Variants in AUTS2 observed in about 807,000 individuals in gnomAD.
The protein encoded by AUTS2 is activator of transcription and developmental regulator AUTS2.
A neutral mutation model predicts 112.4 loss-of-function variants in AUTS2; 17 were observed. The observed-to-expected ratio is 0.15, with a 90% CI of 0.10 to 0.23. The LOEUF (loss-of-function observed/expected upper bound fraction) is 0.23. Ranked by LOEUF, AUTS2 falls within the 10% of genes least tolerant of loss-of-function variation. The pLI, the probability that AUTS2 is intolerant of heterozygous loss-of-function variation, is 1.00. For synonymous variants in AUTS2, 751 were observed against 702.7 expected (o/e 1.07, Z -1.09); for missense variants, 1,510 against 1,701.6 (o/e 0.89, Z 1.98).
intron 5 of AUTS2, among the ~76,000 whole-genome samples, chr7:70,683,488 C>T (rs1808307899): frequency 6.6e-6 from 1 of 152,168 alleles, no homozygotes; most frequent in South Asian, 2.1e-4. Context: ...CTCTCCAAAG[C>T]AGTATCTTGT....
chr7:70,701,050 C>T (rs767960163), intron 6 of AUTS2, among the ~76,000 whole-genome samples: 6 of 152,252 alleles, frequency 3.9e-5, no homozygotes, highest in Non-Finnish European at 5.9e-5. Context: ...GGAGCTGACA[C>T]GTGTATCCCT....
At chr7:70,299,902 A>C (rs184414070) in intron 4 of AUTS2, among the ~76,000 whole-genome samples, 5 of 151,568 alleles carry the variant, frequency 3.3e-5, no homozygotes, top group African/African-American at 7.3e-5. Context: ...TTTTTTTTCT[A>C]CATTGGAGAC....
rs539061682 is a variant in AUTS2 at position 70,231,568 on chromosome 7, G to A, written c.660+96997G>A. Among the ~76,000 whole-genome samples, 8 of 151,412 alleles carry A rather than the reference G, an allele frequency of 5.3e-5. No homozygotes were observed. In the East Asian group the frequency reaches 9.8e-4, roughly 19 times the overall value. ...CACCATTCTCCTGCCTCAGCCTCCC[G>A]AGTAGCTGGGACTACAGGCGCCCAC... On this transcript the variant is annotated intron_variant, in intron 4 of 18. Coordinates refer to ENST00000342771, the MANE Select transcript of AUTS2 (RefSeq NM_015570.4).
chr7:69,673,934 C>T (rs1446114406), intron 1 of AUTS2, among the ~76,000 whole-genome samples: 3 of 152,170 alleles, frequency 2.0e-5, no homozygotes, highest in African/African-American at 7.2e-5. Flanking sequence ...TTCATAGATG[C>T]TTTAACTTCC....
intron 2 of AUTS2, among the ~76,000 whole-genome samples, chr7:70,056,246 A>G (rs182692496): frequency 7.9e-5 from 12 of 152,144 alleles, no homozygotes; most frequent in Admixed American, 3.3e-4. Context: ...CATCTTCCCA[A>G]AGTGCTCAGG....
intron 2 of AUTS2, among the ~76,000 whole-genome samples, chr7:70,040,110 C>T (rs936536408): frequency 6.6e-5 from 10 of 152,114 alleles, no homozygotes; most frequent in Non-Finnish European, 1.3e-4. Context: ...ATTTTTAGGG[C>T]AGTGACTCTG....
Position 70,581,382 on chromosome 7 carries a change from G to A in AUTS2, c.691-117187G>A, listed in dbSNP as rs543735277. On this transcript the variant is annotated intron_variant, in intron 5 of 18. Coordinates refer to ENST00000342771, the MANE Select transcript of AUTS2 (RefSeq NM_015570.4). ...GCCTGGGCAAGAAGAGCGAAACTCC[G>A]TCTCAATAAATAAATAAATAAATAA... 1.1e-3 allele frequency among the ~76,000 whole-genome samples: 167 copies of A among 152,092 alleles called. 1 individual carries two copies. The highest frequency in any genetic ancestry group is 3.7e-3 in the African/African-American group (155 of 41,490).
chr7:70,076,044 C>G (rs946576084), intron 2 of AUTS2, among the ~76,000 whole-genome samples: 1 of 152,150 alleles, frequency 6.6e-6, no homozygotes, highest in Non-Finnish European at 1.5e-5. Flanking sequence ...AATAAAATAA[C>G]TTAATTTATA....
intron 2 of AUTS2, among the ~76,000 whole-genome samples, chr7:70,075,495 C>T (rs752747747): frequency 3.3e-5 from 5 of 152,028 alleles, no homozygotes; most frequent in African/African-American, 7.3e-5. Context: ...ACTACAAATA[C>T]GTTAAAATAT....
intron 4 of AUTS2, among the ~76,000 whole-genome samples, chr7:70,267,745 G>T (rs1399993550): frequency 1.3e-5 from 2 of 152,130 alleles, no homozygotes; most frequent in African/African-American, 2.4e-5. Context: ...TATGGTAAAT[G>T]GGAGTCTTAA....
At chr7:70,700,685 T>C (rs1240753153) in intron 6 of AUTS2, among the ~76,000 whole-genome samples, 1 of 152,084 alleles carries the variant, frequency 6.6e-6, no homozygotes, top group Non-Finnish European at 1.5e-5. Context: ...GAAAACAACT[T>C]CAAAAAGGGA....
chr7:70,665,588 A>G (rs1807302374), intron 5 of AUTS2, among the ~76,000 whole-genome samples: 1 of 152,130 alleles, frequency 6.6e-6, no homozygotes, highest in African/African-American at 2.4e-5. Context: ...GGCATGAGCC[A>G]CCACACCCAG....
intron 4 of AUTS2, among the ~76,000 whole-genome samples, chr7:70,389,677 A>G (rs531828416): frequency 1.3e-5 from 2 of 152,298 alleles, no homozygotes; most frequent in East Asian, 3.9e-4. Flanking sequence ...TGGGAGCCAA[A>G]AAGAAATCAT....
At chr7:70,014,937 A>C (rs191411454) in intron 2 of AUTS2, among the ~76,000 whole-genome samples, 2 of 152,338 alleles carry the variant, frequency 1.3e-5, no homozygotes, top group East Asian at 3.9e-4. Flanking sequence ...CTTTTTAGTC[A>C]ACCACAATAT....
chr7:69,950,357 T>C (rs1796976114), intron 2 of AUTS2, among the ~76,000 whole-genome samples: 1 of 152,020 alleles, frequency 6.6e-6, no homozygotes, highest in African/African-American at 2.4e-5. Context: ...GATGTTGGAG[T>C]TAGGTAAATG....
At chr7:70,316,241 T>C (rs1433456850) in intron 4 of AUTS2, among the ~76,000 whole-genome samples, 1 of 152,140 alleles carries the variant, frequency 6.6e-6, no homozygotes, top group Non-Finnish European at 1.5e-5. Context: ...ATTTCTCACC[T>C]GAGCCTATGA....
chr7:70,059,258 T>C (rs1802133367), intron 2 of AUTS2, among the ~76,000 whole-genome samples: 1 of 152,230 alleles, frequency 6.6e-6, no homozygotes, highest in South Asian at 2.1e-4. Flanking sequence ...TCATACTATA[T>C]ATATGTAGCC....
intron 11 of AUTS2, among the ~76,000 whole-genome samples, chr7:70,773,060 A>C (rs1321595839): frequency 3.9e-5 from 6 of 152,238 alleles, no homozygotes; most frequent in Non-Finnish European, 7.3e-5. Context: ...GAATATGTAG[A>C]TTGCAGTTCA....
At position 70,506,070 on chromosome 7, in the gene AUTS2, C is replaced by T. The variant is rs575855860; in HGVS notation, c.690+70289C>T. ...ATCTCAGGCACAGAGCACTGGAACA[C>T]GGGGAGCCACGTGATCCCAGGTGCA... On this transcript the variant is annotated intron_variant, in intron 5 of 18. Coordinates refer to ENST00000342771, the MANE Select transcript of AUTS2 (RefSeq NM_015570.4). Among the ~76,000 whole-genome samples, 56 of 152,288 alleles carry T rather than the reference C, an allele frequency of 3.7e-4. 1 individual carries two copies. The highest frequency in any genetic ancestry group is 3.4e-3 in the Middle Eastern group (1 of 294).
Sources: gnomAD v4.1 joint callset for allele counts (sites outside exome capture counted in the v4.1 genomes callset) on GRCh38, gnomAD v4.1.1 for gene constraint, MANE v1.5 for transcripts, NCBI Gene and HGNC (gene_info 2026-07-23, HGNC 2026-07-21) for gene names.